PEAK1: variants seen among roughly 807,000 people sequenced by gnomAD.
PEAK1 encodes pseudopodium enriched atypical kinase 1.
A neutral mutation model predicts 124.7 loss-of-function variants in PEAK1; 54 were observed. That is an observed-to-expected ratio of 0.43 (90% confidence interval 0.35 to 0.54). The LOEUF (loss-of-function observed/expected upper bound fraction) is 0.54. Ranked by LOEUF, PEAK1 falls within the 20% of genes least tolerant of loss-of-function variation. The probability of loss-of-function intolerance (pLI) is 0.01; values close to 1 mark genes in which losing one functional copy is unlikely to be tolerated. For missense variants in PEAK1, 2,046 were observed against 2,134.5 expected (o/e 0.96, Z 0.82); for synonymous variants, 719 against 760.0 (o/e 0.95, Z 0.89).
chr15:77,141,144 A>G (rs915056726), intron 8 of PEAK1, among the ~76,000 whole-genome samples: 2 of 152,224 alleles, frequency 1.3e-5, no homozygotes, highest in African/African-American at 4.8e-5. Flanking sequence ...TGAGAAGCGT[A>G]GCGAATCCAC....
intron 1 of PEAK1, among the ~76,000 whole-genome samples, chr15:77,405,067 G>C (rs1008816546): frequency 6.6e-6 from 1 of 151,162 alleles, no homozygotes; most frequent in African/African-American, 2.4e-5. Context: ...GTGCAGTGGT[G>C]CAATCTTGGC....
chr15:77,338,620 A>G (rs1054407699), intron 2 of PEAK1, among the ~76,000 whole-genome samples: 7 of 108,962 alleles, frequency 6.4e-5, no homozygotes, highest in African/African-American at 2.6e-4. Flanking sequence ...AACATACACC[A>G]CATGAAAAAT....
chr15:77,373,749 T>C (rs1389921279), intron 1 of PEAK1, among the ~76,000 whole-genome samples: 1 of 152,206 alleles, frequency 6.6e-6, no homozygotes, highest in African/African-American at 2.4e-5. Context: ...CACTCCTGCC[T>C]CTTCATAGCC....
At chr15:77,368,971 AATT>A (rs2068455620) in intron 1 of PEAK1, among the ~76,000 whole-genome samples, 1 of 152,074 alleles carries the variant, frequency 6.6e-6, no homozygotes, top group South Asian at 2.1e-4. Context: ...CACTATGTTT[AATT>A]ATAACTATAC....
chr15:77,368,834 C>T (rs1025018165), intron 1 of PEAK1, among the ~76,000 whole-genome samples: 13 of 152,084 alleles, frequency 8.5e-5, no homozygotes, highest in Admixed American at 7.9e-4. Flanking sequence ...GCACTAACTT[C>T]TCATGACAGA....
chr15:77,360,760 T>C (rs1296870848), intron 2 of PEAK1, among the ~76,000 whole-genome samples: 1 of 151,866 alleles, frequency 6.6e-6, no homozygotes, highest in African/African-American at 2.4e-5. Context: ...AATGTAAATA[T>C]ACATTTATAT....
chr15:77,231,758 C>T (rs1021090983), intron 6 of PEAK1, among the ~76,000 whole-genome samples: 2 of 152,070 alleles, frequency 1.3e-5, no homozygotes, highest in Non-Finnish European at 2.9e-5. Context: ...AATGCAACAG[C>T]TGTTCATCTA....
chr15:77,270,980 A>C (rs950229966), intron 5 of PEAK1, among the ~76,000 whole-genome samples: 4 of 152,218 alleles, frequency 2.6e-5, no homozygotes, highest in Non-Finnish European at 5.9e-5. Context: ...AACTACCATC[A>C]GAGTGAACAG....
chr15:77,337,493 T>C (rs2066275225), intron 2 of PEAK1: 6 of 984,758 alleles, frequency 6.1e-6, no homozygotes, highest in Non-Finnish European at 7.2e-6. Flanking sequence ...GAATTCATCA[T>C]CCTGACATAC....
At chr15:77,260,245 G>A (rs74025104) in intron 5 of PEAK1, among the ~76,000 whole-genome samples, 33,526 of 152,062 alleles carry the variant, frequency 0.22, 4,194 homozygotes, top group Middle Eastern at 0.3. Flanking sequence ...GCCTAGAACT[G>A]AACAAACTAA....
intron 1 of PEAK1, chr15:77,402,711 C>T (rs2071478530): frequency 1.7e-5 from 17 of 985,238 alleles, no homozygotes; most frequent in Non-Finnish European, 2.0e-5. Flanking sequence ...TATTCAACTG[C>T]TTTCTAAAGT....
chr15:77,288,724 C>T (rs899379725), intron 2 of PEAK1, among the ~76,000 whole-genome samples: 5 of 152,038 alleles, frequency 3.3e-5, no homozygotes, highest in Non-Finnish European at 7.4e-5. Flanking sequence ...AGGCGGATCA[C>T]GAAGTCAGGA....
intron 5 of PEAK1, among the ~76,000 whole-genome samples, chr15:77,256,108 T>C (rs1228024035): frequency 6.6e-6 from 1 of 152,056 alleles, no homozygotes; most frequent in Admixed American, 6.6e-5. Flanking sequence ...CATCCAAAAA[T>C]GACTAAATTC....
intron 1 of PEAK1, chr15:77,418,622 A>T (rs2073082460): frequency 2.0e-6 from 2 of 985,170 alleles, no homozygotes; most frequent in South Asian, 9.4e-5. Context: ...GTCCCAGGCA[A>T]GTCAGAAAGT....
chr15:77,349,848 A>G (rs2067099680), intron 2 of PEAK1: 6 of 985,442 alleles, frequency 6.1e-6, no homozygotes, highest in Non-Finnish European at 7.2e-6. Context: ...AAAGAAAAGG[A>G]TTCAAGTGGA....
intron 5 of PEAK1, among the ~76,000 whole-genome samples, chr15:77,266,811 G>T (rs527413400): frequency 9.3e-4 from 141 of 152,258 alleles, no homozygotes; most frequent in Non-Finnish European, 1.5e-3. Context: ...AACATACCAG[G>T]AAAGCCGAGA....
At chr15:77,211,141 A>G (rs1298042053) in intron 6 of PEAK1, among the ~76,000 whole-genome samples, 2 of 152,200 alleles carry the variant, frequency 1.3e-5, no homozygotes, top group East Asian at 1.9e-4. Flanking sequence ...TTTGTGCTAC[A>G]AAGGCAAACT....
Position 77,179,747 on chromosome 15 carries a change from C to T in PEAK1, c.2180G>A (p.Ser727Asn), listed in dbSNP as rs186144254. The T allele has an allele frequency of 4.3e-6, 7 of 1,614,078 alleles. No homozygotes were observed. The African/African-American group carries it at 8.0e-5, about 18-fold the overall frequency. Residue 727 changes from serine (S) to asparagine (N), a missense_variant, in exon 7 of 10, where the codon AGC (serine) becomes AAC (asparagine). Transcript: ENST00000682557. ...CTGGATCTTTGCTGGGGAGCTGTGG[C>T]TGGAACTATAGCTTCTCTGTGGTGA... ...QSSPQRSYSS[S>N]HSSPAKIQRA...
chr15:77,205,861 A>G (rs2152854091), intron 6 of PEAK1, among the ~76,000 whole-genome samples: 1 of 151,500 alleles, frequency 6.6e-6, no homozygotes, highest in Admixed American at 6.6e-5. Flanking sequence ...GTTTTAGGGT[A>G]CATGTGCACA....
Sources: gnomAD v4.1 joint callset for allele counts (sites outside exome capture counted in the v4.1 genomes callset) on GRCh38, gnomAD v4.1.1 for gene constraint, MANE v1.5 for transcripts, NCBI Gene and HGNC (gene_info 2026-07-23, HGNC 2026-07-21) for gene names.